Variants in COL13A1 observed in about 807,000 individuals in gnomAD.
COL13A1 encodes collagen alpha-1(XIII) chain.
A neutral mutation model predicts 130.9 loss-of-function variants in COL13A1; 89 were observed. That is an observed-to-expected ratio of 0.68 (90% CI 0.57 to 0.81). COL13A1 has a LOEUF of 0.81. Among genes scored for constraint, COL13A1 ranks in the 30% least tolerant of loss-of-function variants. The pLI is 0.00. For missense variants in COL13A1, 879 were observed against 934.6 expected, an observed-to-expected ratio of 0.94 and a Z score of 0.78; for synonymous variants, 402 against 341.6, an observed-to-expected ratio of 1.18 and a Z score of -1.95.
At chr10:69,812,305 C>T (rs189032334) in intron 1 of COL13A1, among the ~76,000 whole-genome samples, 2 of 127,784 alleles carry the variant, frequency 1.6e-5, no homozygotes, top group East Asian at 4.6e-4. Flanking sequence ...TTGCTGGGTT[C>T]AAGACCAGCT....
chr10:69,823,250 ATTTTCTAGGTGCCTGTTAC>A (rs1361023535), intron 2 of COL13A1, among the ~76,000 whole-genome samples: 1 of 152,146 alleles, frequency 6.6e-6, no homozygotes, highest in East Asian at 1.9e-4. Context: ...CTTATGAGAA[ATTTTCTAGGTGCCTGTTAC>A]TTTTCTAGGT....
intron 14 of COL13A1, among the ~76,000 whole-genome samples, chr10:69,899,357 A>G (rs1229249261): frequency 1.3e-5 from 2 of 152,216 alleles, no homozygotes; most frequent in East Asian, 3.8e-4. Context: ...TTTTATTACT[A>G]TTATCCATAT....
chr10:69,838,606 A>G (rs936818739), intron 2 of COL13A1, among the ~76,000 whole-genome samples: 1 of 152,228 alleles, frequency 6.6e-6, no homozygotes, highest in Non-Finnish European at 1.5e-5. Context: ...CTTCCTCCTG[A>G]GCCTCTGAAA....
chr10:69,877,331 C>T (rs1194986200), intron 5 of COL13A1: 1 of 152,952 alleles, frequency 6.5e-6, no homozygotes, highest in African/African-American at 2.4e-5. Flanking sequence ...GCATCACTGA[C>T]CTGTGCTCCG....
At chr10:69,956,853 G>T (rs2070804684) in intron 39 of COL13A1, 151 bp from the exon 40 acceptor site, 4 of 638,906 alleles carry the variant, frequency 6.3e-6, no homozygotes, top group Non-Finnish European at 1.2e-5. Context: ...CTGAGGTTCT[G>T]ACCTGTAGTA....
At chr10:69,811,691 A>G (rs1484481958) in intron 1 of COL13A1, among the ~76,000 whole-genome samples, 1 of 151,944 alleles carries the variant, frequency 6.6e-6, no homozygotes, top group Non-Finnish European at 1.5e-5. Context: ...AAGCTTACAC[A>G]CCTCAGTGAC....
In COL13A1 at chr10:69,802,816, C is replaced by A. The variant is rs1010556089; in HGVS notation, c.294+99C>A. 5 of 1,491,596 alleles carry A rather than the reference C, an allele frequency of 3.4e-6. No individual in the cohort carries two copies. The Admixed American group carries it at 9.2e-5, about 27-fold the overall frequency. The allele number at this position is 1,491,596 out of a possible 1,614,324, so 92.4% of individuals were successfully genotyped here. On this transcript the variant is annotated intron_variant, in intron 1 of 40. Coordinates refer to ENST00000645393, the MANE Select transcript of COL13A1 (RefSeq NM_001368882.1). Reference sequence around the variant, plus strand: ...GGTGTCCGCGGGCGCTCGCTCTCTGCGAGCCCCAGGTTCGCGCGAGTTGCC... The same window carrying A: ...GGTGTCCGCGGGCGCTCGCTCTCTGAGAGCCCCAGGTTCGCGCGAGTTGCC...
chr10:69,938,482 T>C (rs941200128), intron 34 of COL13A1, among the ~76,000 whole-genome samples: 3 of 152,190 alleles, frequency 2.0e-5, no homozygotes, highest in African/African-American at 7.2e-5. Flanking sequence ...ATTTCACTGA[T>C]GGTCCCAGAG....
chr10:69,838,545 C>T (rs932310738), intron 2 of COL13A1, among the ~76,000 whole-genome samples: 2 of 152,200 alleles, frequency 1.3e-5, no homozygotes, highest in East Asian at 3.9e-4. Context: ...GCTGCTGGTA[C>T]TCAGCTCTCC....
intron 3 of COL13A1, among the ~76,000 whole-genome samples, chr10:69,870,821 G>C (rs941284772): frequency 6.6e-6 from 1 of 151,990 alleles, no homozygotes. Context: ...ACTTGGCTCT[G>C]AGCTTCTCGG....
At chr10:69,921,688 G>A (rs1407446539) in intron 21 of COL13A1, among the ~76,000 whole-genome samples, 194 bp from the exon 22 acceptor site, 4 of 152,144 alleles carry the variant, frequency 2.6e-5, no homozygotes, top group East Asian at 1.9e-4. Context: ...TGTCACCAAC[G>A]CGAAGTGACC....
intron 36 of COL13A1, among the ~76,000 whole-genome samples, chr10:69,945,316 T>C (rs1322769790): frequency 2.6e-5 from 4 of 152,216 alleles, no homozygotes; most frequent in Non-Finnish European, 2.9e-5. Context: ...CCCTTGAGGC[T>C]CTGGAGAAGA....
At chr10:69,873,537 T>C (rs2059293303) in intron 4 of COL13A1, among the ~76,000 whole-genome samples, 1 of 152,184 alleles carries the variant, frequency 6.6e-6, no homozygotes, top group African/African-American at 2.4e-5. Flanking sequence ...TAGTTTCCAG[T>C]CCCTGGCCAT....
rs1734574943 is a variant in COL13A1 at position 69,894,593 on chromosome 10, CATCT to C, written c.630+18_630+21del. 1.2e-6 allele frequency: 2 copies of C among 1,613,886 alleles called. No homozygotes were observed. The highest frequency in any genetic ancestry group is 3.3e-5 in the Admixed American group (2 of 60,016). ...CAGGACAGCCGGTTGGTACCTCATCCATCTATTTCCCAGCAGAGAAGCTTCCGGT... is the reference window on the plus strand; with the variant it reads ...CAGGACAGCCGGTTGGTACCTCATCCATTTCCCAGCAGAGAAGCTTCCGGT... On this transcript the variant is annotated intron_variant, in intron 11 of 40. Coordinates refer to ENST00000645393, the MANE Select transcript of COL13A1 (RefSeq NM_001368882.1).
At chr10:69,874,676 C>T (rs1204511939) in intron 4 of COL13A1, among the ~76,000 whole-genome samples, 2 of 152,196 alleles carry the variant, frequency 1.3e-5, no homozygotes, top group Non-Finnish European at 2.9e-5. Context: ...CCAGCTCTGG[C>T]AGAGACAGAC....
chr10:69,841,112 G>C (rs1291014802), intron 2 of COL13A1, among the ~76,000 whole-genome samples: 1 of 147,332 alleles, frequency 6.8e-6, no homozygotes, highest in African/African-American at 2.6e-5. Flanking sequence ...CAGCCAGCCT[G>C]GGGCTTAGGA....
intron 2 of COL13A1, among the ~76,000 whole-genome samples, chr10:69,834,924 G>A (rs935967057): frequency 1.3e-5 from 2 of 152,220 alleles, no homozygotes; most frequent in Non-Finnish European, 2.9e-5. Context: ...ATCGTCTGGG[G>A]ACAATGCTCA....
At chr10:69,818,158 G>A (rs984771488) in intron 1 of COL13A1, among the ~76,000 whole-genome samples, 4 of 152,118 alleles carry the variant, frequency 2.6e-5, no homozygotes, top group African/African-American at 7.2e-5. Context: ...TGCTCTTGCC[G>A]CTGTTATGTC....
chr10:69,851,255 A>C (rs1410763384), intron 2 of COL13A1, among the ~76,000 whole-genome samples: 1 of 152,252 alleles, frequency 6.6e-6, no homozygotes, highest in Non-Finnish European at 1.5e-5. Context: ...TCTCAGGTTC[A>C]GAGAAGTGAG....
Sources: gnomAD v4.1 joint callset for allele counts (sites outside exome capture counted in the v4.1 genomes callset) on GRCh38, gnomAD v4.1.1 for gene constraint, MANE v1.5 for transcripts, NCBI Gene and HGNC (gene_info 2026-07-23, HGNC 2026-07-21) for gene names.